Variants in GPR39 observed in about 807,000 individuals in gnomAD.
GPR39 encodes G protein-coupled receptor 39.
GPR39 carries 23 observed loss-of-function variants against 18.4 expected under a neutral mutation model. The observed-to-expected ratio is 1.25, with a 90% CI of 0.90 to 1.77. The LOEUF (loss-of-function observed/expected upper bound fraction) is 1.77. Ranked by LOEUF, GPR39 falls within the 40% of genes most tolerant of loss-of-function variation. The pLI, the probability that GPR39 is intolerant of heterozygous loss-of-function variation, is 0.00. For missense variants in GPR39, 647 were observed against 602.4 expected (o/e 1.07, Z -0.78); for synonymous variants, 280 against 257.9 (o/e 1.09, Z -0.82).
At chr2:132,517,059 T>C (rs1357011036) in intron 1 of GPR39, among the ~76,000 whole-genome samples, 2 of 152,104 alleles carry the variant, frequency 1.3e-5, no homozygotes, top group Non-Finnish European at 2.9e-5. Context: ...TGCGCATTTT[T>C]TTTTAAAAGC....
At chr2:132,589,217 C>G (rs938425085) in intron 1 of GPR39, among the ~76,000 whole-genome samples, 2 of 152,122 alleles carry the variant, frequency 1.3e-5, no homozygotes, top group Non-Finnish European at 2.9e-5. Context: ...CCATGTCCCC[C>G]CCTCCCCATT....
At chr2:132,513,372 A>ATCT (rs1679274177) in intron 1 of GPR39, among the ~76,000 whole-genome samples, 1 of 151,988 alleles carries the variant, frequency 6.6e-6, no homozygotes, top group Admixed American at 6.6e-5. Context: ...CTGAAGCGGG[A>ATCT]GGATGGCGTG....
intron 1 of GPR39, among the ~76,000 whole-genome samples, chr2:132,449,235 T>TTTG (rs1553448176): frequency 3.6e-5 from 3 of 82,680 alleles, no homozygotes; most frequent in Admixed American, 2.5e-4. Flanking sequence ...CTTCGTGTTT[T>TTTG]TTTGTTTGTT....
At chr2:132,535,494 G>T (rs764857767) in intron 1 of GPR39, among the ~76,000 whole-genome samples, 1 of 152,140 alleles carries the variant, frequency 6.6e-6, no homozygotes, top group Admixed American at 6.6e-5. Context: ...TCACATCGAT[G>T]TTCATCAGGG....
intron 1 of GPR39, among the ~76,000 whole-genome samples, chr2:132,427,453 G>A (rs537176872): frequency 2.8e-4 from 42 of 150,552 alleles, no homozygotes; most frequent in Middle Eastern, 3.5e-3. Context: ...GAGCCACTGC[G>A]CCTGGCCTGA....
chr2:132,429,234 G>A (rs747728063), intron 1 of GPR39, among the ~76,000 whole-genome samples: 4 of 152,164 alleles, frequency 2.6e-5, no homozygotes, highest in Non-Finnish European at 4.4e-5. Flanking sequence ...TGCAGTCCAC[G>A]TTCTTTACAT....
At chr2:132,442,814 A>G (rs973977708) in intron 1 of GPR39, among the ~76,000 whole-genome samples, 1 of 152,084 alleles carries the variant, frequency 6.6e-6, no homozygotes, top group African/African-American at 2.4e-5. Context: ...GATTCCCAAC[A>G]CTTGCACATG....
chr2:132,534,233 A>T (rs1397392781), intron 1 of GPR39, among the ~76,000 whole-genome samples: 2 of 152,154 alleles, frequency 1.3e-5, no homozygotes, highest in Admixed American at 6.6e-5. Flanking sequence ...AAAACACATG[A>T]AAAAATGTTC....
intron 1 of GPR39, among the ~76,000 whole-genome samples, chr2:132,534,043 G>T (rs542728041): frequency 2.0e-5 from 3 of 152,024 alleles, no homozygotes; most frequent in Admixed American, 6.5e-5. Context: ...ACTATCATCA[G>T]TGTGAACAGA....
intron 1 of GPR39, among the ~76,000 whole-genome samples, chr2:132,477,682 T>A (rs888130772): frequency 4.6e-5 from 7 of 152,232 alleles, no homozygotes; most frequent in African/African-American, 1.7e-4. Flanking sequence ...CATTGTGGGC[T>A]GTTTTTCTGT....
chr2:132,597,394 G>C (rs931301579), intron 1 of GPR39, among the ~76,000 whole-genome samples: 1 of 152,160 alleles, frequency 6.6e-6, no homozygotes, highest in Non-Finnish European at 1.5e-5. Flanking sequence ...TCTCTGTCAG[G>C]CATGTTGGGA....
intron 1 of GPR39, among the ~76,000 whole-genome samples, chr2:132,570,029 C>T (rs886557761): frequency 3.9e-5 from 6 of 152,216 alleles, no homozygotes; most frequent in South Asian, 4.1e-4. Context: ...ACTACGAAAC[C>T]GACCTTGTGC....
chr2:132,469,644 T>A (rs575132091), intron 1 of GPR39, among the ~76,000 whole-genome samples: 1 of 152,222 alleles, frequency 6.6e-6, no homozygotes, highest in South Asian at 2.1e-4. Context: ...GAGTGATTTT[T>A]CTCCACCTGC....
At chr2:132,510,894 C>T (rs1450260552) in intron 1 of GPR39, among the ~76,000 whole-genome samples, 1 of 152,086 alleles carries the variant, frequency 6.6e-6, no homozygotes, top group Non-Finnish European at 1.5e-5. Flanking sequence ...AAGGATAGCT[C>T]CTGAACTCCC....
intron 1 of GPR39, among the ~76,000 whole-genome samples, chr2:132,534,635 T>C (rs1472860657): frequency 6.6e-6 from 1 of 151,656 alleles, no homozygotes; most frequent in South Asian, 2.1e-4. Flanking sequence ...GTGGCACATA[T>C]ACACTATGGA....
chr2:132,455,643 CT>C (rs1424057563), intron 1 of GPR39, among the ~76,000 whole-genome samples: 22 of 152,314 alleles, frequency 1.4e-4, no homozygotes, highest in African/African-American at 5.1e-4. Context: ...CCTCTACACA[CT>C]GCTTTAAATG....
At chr2:132,586,371 G>A (rs1205212888) in intron 1 of GPR39, among the ~76,000 whole-genome samples, 1 of 152,118 alleles carries the variant, frequency 6.6e-6, no homozygotes, top group Non-Finnish European at 1.5e-5. Flanking sequence ...GGTGACAGGC[G>A]CGCTCCAGCT....
intron 1 of GPR39, among the ~76,000 whole-genome samples, chr2:132,639,348 T>C (rs1681819967): frequency 1.3e-5 from 2 of 151,746 alleles, no homozygotes; most frequent in African/African-American, 4.8e-5. Flanking sequence ...AATTGAAAAA[T>C]AGAGACAGGA....
chr2:132,472,764 C>G (rs921408459), intron 1 of GPR39, among the ~76,000 whole-genome samples: 1 of 152,128 alleles, frequency 6.6e-6, no homozygotes, highest in African/African-American at 2.4e-5. Context: ...TGACTACACG[C>G]ACTTGGCCTT....
Sources: allele counts gnomAD v4.1 joint callset (sites outside exome capture counted in the v4.1 genomes callset), GRCh38; gene constraint gnomAD v4.1.1; transcripts MANE v1.5; gene names NCBI Gene and HGNC (gene_info 2026-07-23, HGNC 2026-07-21).